DNAH12: variants seen among roughly 807,000 people sequenced by gnomAD.
DNAH12 encodes the protein dynein axonemal heavy chain 12, also known as axonemal beta dynein heavy chain 12.
Under a neutral mutation model 371.5 loss-of-function variants are expected in DNAH12, and 285 were observed. That is an observed-to-expected ratio of 0.77 (90% CI 0.70 to 0.85). DNAH12 has a LOEUF of 0.85. DNAH12 is among the 40% of genes least tolerant of loss of function. The pLI is 0.00. For synonymous variants in DNAH12, 1,200 were observed against 1,213.0 expected (o/e 0.99, Z 0.22); for missense variants, 3,611 against 3,689.4 (o/e 0.98, Z 0.55).
At chr3:57,449,445 G>A (rs1283144137) in intron 25 of DNAH12, among the ~76,000 whole-genome samples, 1 of 152,196 alleles carries the variant, frequency 6.6e-6, no homozygotes, top group Non-Finnish European at 1.5e-5. Context: ...CATGGAGTGG[G>A]TGGGAGGCTC....
At position 57,309,185 on chromosome 3, in the gene DNAH12, T is replaced by G. The variant is rs1232382960; in HGVS notation, c.11155A>C (p.Thr3719Pro). 1 of 1,550,008 alleles carries G rather than the reference T, an allele frequency of 6.5e-7. No individual in the cohort carries two copies. The highest frequency in any genetic ancestry group is 2.0e-5 in the Admixed American group (1 of 50,536). ...CTTTCCATTTCTTGTACTAACACAGTATTCATGCTTTCTTCATATCTCACA... is the reference window on the plus strand; with the variant it reads ...CTTTCCATTTCTTGTACTAACACAGGATTCATGCTTTCTTCATATCTCACA... Reference protein sequence around the residue: ...YPVRYEESMNTVLVQEMERFN... With the variant: ...YPVRYEESMNPVLVQEMERFN... The change falls in exon 69 of 74, where the codon ACT becomes CCT. Residue 3719 changes from threonine (T) to proline (P), a missense_variant. Physicochemically the swap from Thr to Pro is conservative, Grantham distance 38. Around this residue, in one of 3 missense-constraint regions of DNAH12, gnomAD observed 2,266 missense variants for 2,236.9 expected, o/e 1.01. Coordinates refer to ENST00000495027, the MANE Select transcript of DNAH12 (RefSeq NM_001366028.2).
At chr3:57,454,650 T>C (rs2065853228) in intron 23 of DNAH12, 125 bp downstream of exon 23, 1 of 1,320,156 alleles carries the variant, frequency 7.6e-7, no homozygotes, top group South Asian at 1.4e-5. Flanking sequence ...TGGGAGGATT[T>C]CTTGAGGCCA....
At chr3:57,415,330 A>G in intron 38 of DNAH12, 96 bp downstream of exon 38, 1 of 1,437,684 alleles carries the variant, frequency 7.0e-7, no homozygotes, top group Non-Finnish European at 9.3e-7. Flanking sequence ...AAATTCATAG[A>G]TTTACACAGT....
At chr3:57,447,184 T>C (rs184537742) in intron 25 of DNAH12, among the ~76,000 whole-genome samples, 1 of 152,376 alleles carries the variant, frequency 6.6e-6, no homozygotes, top group Admixed American at 6.5e-5. Flanking sequence ...CTCCATTTTC[T>C]ACATTCCCAT....
At chr3:57,322,858 A>G in intron 64 of DNAH12, 149 bp downstream of exon 64, 1 of 1,092,190 alleles carries the variant, frequency 9.2e-7, no homozygotes, top group Non-Finnish European at 1.3e-6. Context: ...TGAACCCGGG[A>G]GGCGAAGTTT....
At chr3:57,446,337 C>T (rs2121742) in intron 26 of DNAH12, 67 bp from the exon 27 acceptor site, 715,614 of 1,475,024 alleles carry the variant, frequency 0.49, 178,191 homozygotes, top group South Asian at 0.57. Flanking sequence ...AAAACAAATA[C>T]CTAATATTTT....
At chr3:57,417,979 C>T (rs1306089844) in intron 37 of DNAH12, among the ~76,000 whole-genome samples, 1 of 151,782 alleles carries the variant, frequency 6.6e-6, no homozygotes, top group East Asian at 1.9e-4. Context: ...GGTGAACCCC[C>T]GACTCTACTA....
At chr3:57,349,570 C>T (rs1195241778) in intron 60 of DNAH12, among the ~76,000 whole-genome samples, 1 of 152,158 alleles carries the variant, frequency 6.6e-6, no homozygotes, top group Non-Finnish European at 1.5e-5. Context: ...GCCCAAATGC[C>T]CATCAATCAA....
intron 49 of DNAH12, among the ~76,000 whole-genome samples, chr3:57,384,009 G>A (rs2063451164): frequency 6.6e-6 from 1 of 152,058 alleles, no homozygotes; most frequent in African/African-American, 2.4e-5. Flanking sequence ...AAACAGTATT[G>A]ATTAGGAAAA....
At position 57,415,789 on chromosome 3, in the gene DNAH12, C is replaced by CTT. The variant is rs11326189; in HGVS notation, c.5715-227_5715-226dup. Among the ~76,000 whole-genome samples, 170 of 119,378 alleles carry CTT rather than the reference C, an allele frequency of 1.4e-3. 2 individuals carry two copies. Among genetic ancestry groups the CTT allele is most frequent in the African/African-American group, 5.3e-3 (153 of 29,140 alleles). 78.3% of individuals were successfully genotyped at this position (119,378 alleles called of 152,430 possible). On this transcript the variant is annotated intron_variant, in intron 37 of 73. Transcript: ENST00000495027. ...ATTTTGTGTCTTTTTATTTTTTATT[C>CTT]TTTTTTTTTTTTTTTTTGAGACAGA...
intron 12 of DNAH12, among the ~76,000 whole-genome samples, chr3:57,487,353 GAGAA>G (rs1452790277): frequency 5.2e-5 from 4 of 77,144 alleles, no homozygotes; most frequent in South Asian, 6.0e-4. Context: ...GAGAGAGAGA[GAGAA>G]AGAAAGAGAA....
chr3:57,323,592 T>C lies in DNAH12; in HGVS notation c.10006A>G (p.Thr3336Ala), dbSNP rs779946702. 29 of 1,549,122 alleles carry C rather than the reference T, an allele frequency of 1.9e-5. No individual in the cohort carries two copies. The highest frequency in any genetic ancestry group is 1.7e-4 in the Middle Eastern group (1 of 6,000). The change falls in exon 63 of 74, where the codon ACT becomes GCT. Residue 3336 changes from threonine to alanine, a missense_variant. Around this residue, in one of 3 missense-constraint regions of DNAH12, gnomAD observed 2,266 missense variants for 2,236.9 expected, o/e 1.01. Transcript: ENST00000495027. ...KITPAITNYV[T>A]DKLGKKFVEP... ...ACAAACTTTTTCCCTAGTTTGTCAGTTACATAGTTTGTTATAGCTGGGGTT... is the reference window on the plus strand; with the variant it reads ...ACAAACTTTTTCCCTAGTTTGTCAGCTACATAGTTTGTTATAGCTGGGGTT...
intron 12 of DNAH12, among the ~76,000 whole-genome samples, chr3:57,483,978 C>T (rs1226128128): frequency 7.1e-6 from 1 of 140,588 alleles, no homozygotes; most frequent in Non-Finnish European, 1.5e-5. Flanking sequence ...AAAAGCTTAT[C>T]TGCTATAATT....
At chr3:57,424,299 GCC>G (rs1559643349) in intron 35 of DNAH12, among the ~76,000 whole-genome samples, 3 of 150,912 alleles carry the variant, frequency 2.0e-5, no homozygotes, top group Non-Finnish European at 4.4e-5. Context: ...GTGAAACCCT[GCC>G]TTTACTAAAG....
Position 57,470,590 on chromosome 3 carries a change from T to A in DNAH12, c.1958A>T (p.Glu653Val). 1 of 1,545,698 alleles carries A rather than the reference T, an allele frequency of 6.5e-7. No individual in the cohort carries two copies. Residue 653 changes from glutamate to valine, a missense_variant, in exon 16 of 74, where the codon GAA becomes GTA. Physicochemically the swap from Glu to Val is moderately radical, Grantham distance 121. Transcript: ENST00000495027. ...TTTATTAATAAACTGCACTGCTTCT[T>A]CAGATTCCTGAATACGTTTTTGTAG... ...RQLQKRIQES[E>V]EAVQFINKEE...
chr3:57,542,223 A>G (rs1249076509), intron 2 of DNAH12, among the ~76,000 whole-genome samples: 5 of 151,650 alleles, frequency 3.3e-5, no homozygotes, highest in South Asian at 2.1e-4. Context: ...AATTTCAAAT[A>G]TAAGTAGTTT....
chr3:57,300,520 G>A (rs555341074), intron 70 of DNAH12, among the ~76,000 whole-genome samples: 43 of 151,820 alleles, frequency 2.8e-4, no homozygotes, highest in African/African-American at 1.0e-3. Context: ...GATATGAATT[G>A]ACAGTACACA....
At chr3:57,412,775 C>T (rs1575566029) in intron 39 of DNAH12, among the ~76,000 whole-genome samples, 1 of 152,122 alleles carries the variant, frequency 6.6e-6, no homozygotes, top group Non-Finnish European at 1.5e-5. Flanking sequence ...AAATCTAGAA[C>T]ACTGACAATA....
At chr3:57,511,325 TG>T (rs1474419061) in intron 4 of DNAH12, among the ~76,000 whole-genome samples, 5 of 152,194 alleles carry the variant, frequency 3.3e-5, no homozygotes, top group Non-Finnish European at 5.9e-5. Context: ...TTCTAAATGC[TG>T]GGTATATAGT....
Sources: gnomAD v4.1 joint callset for allele counts (sites outside exome capture counted in the v4.1 genomes callset) on GRCh38, gnomAD v4.1.1 for gene constraint, gnomAD v4.1.1 regional missense constraint, MANE v1.5 for transcripts, NCBI Gene and HGNC (gene_info 2026-07-23, HGNC 2026-07-21) for gene names.